Variants in CABLES1 observed in about 807,000 individuals in gnomAD.
The protein encoded by CABLES1 is CDK5 and ABL1 enzyme substrate 1.
Under a neutral mutation model 57.8 loss-of-function variants are expected in CABLES1, and 36 were observed. The ratio of observed to expected loss-of-function variants is 0.62; its 90% confidence interval spans 0.48 to 0.82. The LOEUF is 0.82. Ranked by LOEUF, CABLES1 falls within the 40% of genes least tolerant of loss-of-function variation. The pLI is 0.00. For synonymous variants in CABLES1, 374 were observed against 363.0 expected (o/e 1.03, Z -0.35); for missense variants, 767 against 836.6 (o/e 0.92, Z 1.03).
At chr18:23,191,092 A>T (rs1701006878) in intron 2 of CABLES1, among the ~76,000 whole-genome samples, 2 of 151,852 alleles carry the variant, frequency 1.3e-5, no homozygotes, top group African/African-American at 4.8e-5. Flanking sequence ...AAAAAAAAAA[A>T]AAAAAAAAAT....
chr18:23,228,716 G>A (rs1448433717), intron 4 of CABLES1, among the ~76,000 whole-genome samples: 4 of 66,560 alleles, frequency 6.0e-5, no homozygotes, highest in Non-Finnish European at 1.1e-4. Flanking sequence ...CCCCACCCCC[G>A]TGGGCCAGTT....
intron 1 of CABLES1, among the ~76,000 whole-genome samples, chr18:23,180,568 G>A (rs962983074): frequency 6.6e-6 from 1 of 152,140 alleles, no homozygotes; most frequent in Non-Finnish European, 1.5e-5. Flanking sequence ...CCAGGCTAGA[G>A]TGCAGTAATG....
chr18:23,183,504 G>A (rs1049351748), intron 1 of CABLES1, among the ~76,000 whole-genome samples: 8 of 152,228 alleles, frequency 5.3e-5, no homozygotes, highest in African/African-American at 1.9e-4. Flanking sequence ...AGGCGTGGGT[G>A]CTTTCAGGAG....
intron 4 of CABLES1, chr18:23,219,239 T>C: frequency 2.2e-6 from 1 of 454,106 alleles, no homozygotes; most frequent in Non-Finnish European, 4.4e-6. Flanking sequence ...CTCCGTGCCA[T>C]CCCTCTGGTC....
intron 2 of CABLES1, 113 bp from the exon 3 acceptor site, chr18:23,194,335 C>T: frequency 1.5e-6 from 1 of 669,220 alleles, no homozygotes; most frequent in Non-Finnish European, 2.7e-6. Context: ...CTCCTGCCTG[C>T]TTTGGGGTGA....
chr18:23,230,827 G>A (rs1425364483), intron 4 of CABLES1, among the ~76,000 whole-genome samples: 2 of 152,146 alleles, frequency 1.3e-5, no homozygotes, highest in Non-Finnish European at 2.9e-5. Flanking sequence ...CTAGGATTTG[G>A]GGAACACATG....
chr18:23,230,362 A>C (rs2047558496), intron 4 of CABLES1, among the ~76,000 whole-genome samples: 1 of 152,090 alleles, frequency 6.6e-6, no homozygotes, highest in Admixed American at 6.6e-5. Flanking sequence ...ACAGAGCAAG[A>C]CTCCATCTCA....
chr18:23,141,959 A>T (rs2144949113), intron 1 of CABLES1, among the ~76,000 whole-genome samples: 1 of 152,210 alleles, frequency 6.6e-6, no homozygotes, highest in South Asian at 2.1e-4. Flanking sequence ...CTGTGCTGTG[A>T]CCTGATGTGG....
At chr18:23,171,324 AT>A in intron 1 of CABLES1, among the ~76,000 whole-genome samples, 1 of 152,310 alleles carries the variant, frequency 6.6e-6, no homozygotes, top group East Asian at 1.9e-4. Context: ...GTCATCCTGG[AT>A]TCCACGGTGC....
intron 6 of CABLES1, among the ~76,000 whole-genome samples, chr18:23,236,771 C>T (rs890468993): frequency 2.6e-5 from 4 of 152,274 alleles, no homozygotes; most frequent in Admixed American, 2.0e-4. Context: ...GCTGCACAGG[C>T]GTCTCCAAAT....
At chr18:23,192,344 C>T (rs2047250253) in intron 2 of CABLES1, among the ~76,000 whole-genome samples, 3 of 152,282 alleles carry the variant, frequency 2.0e-5, no homozygotes, top group Non-Finnish European at 2.9e-5. Context: ...ACAGCCTCAG[C>T]TCCTTCCTTT....
At position 23,193,417 on chromosome 18, in the gene CABLES1, C is replaced by T. The variant is rs573584993; in HGVS notation, c.918-1031C>T. On this transcript the variant is annotated intron_variant, in intron 2 of 9. Transcript: ENST00000256925. ...ATATTGGCCAGGCTGGTCTGGAACTCCTGACCTCAGTTGATCCACCCTCCT... is the reference window on the plus strand; with the variant it reads ...ATATTGGCCAGGCTGGTCTGGAACTTCTGACCTCAGTTGATCCACCCTCCT... Among the ~76,000 whole-genome samples, 29 of 152,206 alleles carry T rather than the reference C, an allele frequency of 1.9e-4. No homozygotes were observed. The South Asian group carries it at 5.8e-3, about 30-fold the overall frequency.
At chr18:23,170,494 A>C (rs191985738) in intron 1 of CABLES1, among the ~76,000 whole-genome samples, 11 of 152,150 alleles carry the variant, frequency 7.2e-5, no homozygotes, top group African/African-American at 2.4e-4. Context: ...AGCCATCTCC[A>C]GCAGCGTGTG....
At chr18:23,247,999 C>CG (rs1353725632) in intron 7 of CABLES1, among the ~76,000 whole-genome samples, 2 of 152,232 alleles carry the variant, frequency 1.3e-5, no homozygotes, top group Admixed American at 6.5e-5. Context: ...TGTCAGGAAA[C>CG]GGAGTCCCCA....
chr18:23,243,291 G>C (rs1198877897), intron 7 of CABLES1, among the ~76,000 whole-genome samples: 1 of 151,832 alleles, frequency 6.6e-6, no homozygotes, highest in Non-Finnish European at 1.5e-5. Context: ...CAGTAGCTCC[G>C]CACTTCCCTA....
chr18:23,160,308 C>T (rs1464339025), intron 1 of CABLES1, among the ~76,000 whole-genome samples: 2 of 152,278 alleles, frequency 1.3e-5, no homozygotes, highest in South Asian at 2.1e-4. Flanking sequence ...GGATTACAGG[C>T]GTGAGCCACC....
At chr18:23,160,788 C>T (rs1210696943) in intron 1 of CABLES1, among the ~76,000 whole-genome samples, 1 of 152,178 alleles carries the variant, frequency 6.6e-6, no homozygotes, top group Non-Finnish European at 1.5e-5. Context: ...AATCCCAGCA[C>T]TTTGGGAGGC....
intron 1 of CABLES1, among the ~76,000 whole-genome samples, chr18:23,144,922 CT>C (rs201647173): frequency 9.4e-4 from 137 of 146,468 alleles, no homozygotes; most frequent in Admixed American, 3.4e-3. Flanking sequence ...ACCACACATC[CT>C]TTTTTTTTTT....
intron 3 of CABLES1, among the ~76,000 whole-genome samples, chr18:23,209,133 G>A (rs1334221013): frequency 6.6e-6 from 1 of 152,230 alleles, no homozygotes; most frequent in South Asian, 2.1e-4. Flanking sequence ...TCAATTGCAT[G>A]CCATTCTGAG....
Sources: allele counts gnomAD v4.1 joint callset (sites outside exome capture counted in the v4.1 genomes callset), GRCh38; gene constraint gnomAD v4.1.1; transcripts MANE v1.5; gene names NCBI Gene and HGNC (gene_info 2026-07-23, HGNC 2026-07-21).